EFL1: variants seen among roughly 807,000 people sequenced by gnomAD.
EFL1 encodes elongation factor-like GTPase 1.
A neutral mutation model predicts 126.7 loss-of-function variants in EFL1; 76 were observed. That is an observed-to-expected ratio of 0.60 (90% CI 0.50 to 0.73). The LOEUF is 0.73. EFL1 is among the 30% of genes least tolerant of loss of function. The pLI is 0.00. For synonymous variants in EFL1, 410 were observed against 448.4 expected (o/e 0.91, Z 1.08); for missense variants, 1,128 against 1,343.2 (o/e 0.84, Z 2.50).
chr15:82,184,107 T>C (rs1377313311), intron 15 of EFL1, among the ~76,000 whole-genome samples: 1 of 152,242 alleles, frequency 6.6e-6, no homozygotes, highest in Non-Finnish European at 1.5e-5. Context: ...CAGTGGTTAA[T>C]AATTATTTTT....
At chr15:82,180,376 A>AC (rs2074239359) in intron 15 of EFL1, among the ~76,000 whole-genome samples, 1 of 147,324 alleles carries the variant, frequency 6.8e-6, no homozygotes, top group Non-Finnish European at 1.5e-5. Context: ...AAAAAAACAA[A>AC]AAAAAAACAA....
chr15:82,221,238 G>A (rs2074709139), intron 12 of EFL1, among the ~76,000 whole-genome samples: 1 of 152,044 alleles, frequency 6.6e-6, no homozygotes, highest in Admixed American at 6.6e-5. Flanking sequence ...TATGATTCCT[G>A]CTTTATTTGC....
At chr15:82,234,577 A>G (rs986304485) in intron 7 of EFL1, among the ~76,000 whole-genome samples, 1 of 152,124 alleles carries the variant, frequency 6.6e-6, no homozygotes, top group Non-Finnish European at 1.5e-5. Flanking sequence ...GCCCTGCCCA[A>G]GACAAAATCT....
chr15:82,251,206 C>A (rs1395142311), intron 4 of EFL1, among the ~76,000 whole-genome samples: 1 of 151,962 alleles, frequency 6.6e-6, no homozygotes, highest in Admixed American at 6.6e-5. Context: ...AGCAAGACTC[C>A]GTCTCAAAAA....
At chr15:82,130,688 G>C (rs1263553881) in intron 19 of EFL1, 127 bp from the exon 20 acceptor site, 2 of 957,734 alleles carry the variant, frequency 2.1e-6, no homozygotes, top group East Asian at 5.1e-5. Flanking sequence ...AGCTAAGCTT[G>C]CTAGGAATGG....
intron 15 of EFL1, among the ~76,000 whole-genome samples, chr15:82,200,062 G>C (rs2074450884): frequency 6.6e-6 from 1 of 152,148 alleles, no homozygotes; most frequent in Admixed American, 6.5e-5. Context: ...TAGTGAAACA[G>C]CGGGGAAGGA....
At chr15:82,201,701 A>C (rs2074470392) in intron 15 of EFL1, among the ~76,000 whole-genome samples, 2 of 19,102 alleles carry the variant, frequency 1.0e-4, no homozygotes, top group African/African-American at 9.9e-4. Context: ...CTTCTTGCAA[A>C]AAAAAAAAAA....
chr15:82,137,701 T>C lies in EFL1; in HGVS notation c.3174+957A>G, dbSNP rs553167319. On this transcript the variant is annotated intron_variant, in intron 19 of 19. Transcript: ENST00000268206. The stretch of plus-strand genomic sequence containing the variant: ...AATGTGAAGTTATTTCAATTCCCTG[T>C]AAACAATAACAACAAAAACTGCTTT... 4.6e-5 allele frequency among the ~76,000 whole-genome samples: 7 copies of C among 152,368 alleles called. No homozygotes were observed. The South Asian group carries it at 1.4e-3, about 32-fold the overall frequency.
At chr15:82,142,840 C>G (rs889403527) in intron 18 of EFL1, among the ~76,000 whole-genome samples, 1 of 152,160 alleles carries the variant, frequency 6.6e-6, no homozygotes, top group Non-Finnish European at 1.5e-5. Flanking sequence ...TACTCTTAGT[C>G]CAACCCTATA....
chr15:82,193,146 A>AT (rs561564871), intron 15 of EFL1, among the ~76,000 whole-genome samples: 103 of 152,340 alleles, frequency 6.8e-4, no homozygotes, highest in African/African-American at 2.3e-3. Flanking sequence ...CAAATTTTGT[A>AT]TTTTTTAAAA....
At chr15:82,223,906 T>C (rs1417596832) in intron 12 of EFL1, among the ~76,000 whole-genome samples, 4 of 152,208 alleles carry the variant, frequency 2.6e-5, no homozygotes, top group Non-Finnish European at 4.4e-5. Context: ...CACCCATCTA[T>C]TCCTTTACTT....
At position 82,151,814 on chromosome 15, in the gene EFL1, GC is replaced by G; in HGVS notation, c.2639del (p.Gly880AlafsTer20). The G allele has an allele frequency of 6.2e-7, 1 of 1,614,118 alleles. No individual in the cohort carries two copies. Among genetic ancestry groups the G allele is most frequent in the African/African-American group, 1.3e-5 (1 of 75,018 alleles). On this transcript the variant is annotated frameshift_variant, in exon 18 of 20. Coordinates refer to ENST00000268206, the MANE Select transcript of EFL1 (RefSeq NM_024580.6). LOFTEE classifies it high-confidence loss of function. Reference protein sequence around the residue: ...VSGFQLATLSGPMCEEPLMGV... With the variant: ...VSGFQLATLSXPMCEEPLMGV... ...CCATGAGAGGCTCCTCACACATGGG[GC>G]CAGAGAGGGTTGCTAGTTGGAAGCC...
chr15:82,213,470 T>A (rs2074610578), intron 15 of EFL1, among the ~76,000 whole-genome samples: 1 of 152,194 alleles, frequency 6.6e-6, no homozygotes, highest in African/African-American at 2.4e-5. Context: ...CTGGAAGGCA[T>A]CTAGAAATTC....
chr15:82,220,226 A>G lies in EFL1; in HGVS notation c.1296T>C (p.Pro432=), dbSNP rs779101441. ...TCTGAGCAATTTCTTCTTGAGTGAG[A>G]GGCCTACAGGATATCACAAATATGC... is the stretch of plus-strand genomic sequence containing the variant. The part of the protein sequence containing the change: ...AKALPQNKPR[P]LTQEEIAQRR... Residue 432 remains proline, a synonymous_variant, in exon 13 of 20, where the codon CCT becomes CCC. Transcript: ENST00000268206. 1.3e-6 allele frequency: 2 copies of G among 1,592,114 alleles called. No individual in the cohort carries two copies. Among genetic ancestry groups the G allele is most frequent in the South Asian group, 2.3e-5 (2 of 86,780 alleles).
At chr15:82,148,250 C>T (rs1392477693) in intron 18 of EFL1, among the ~76,000 whole-genome samples, 2 of 151,796 alleles carry the variant, frequency 1.3e-5, no homozygotes, top group Admixed American at 6.6e-5. Context: ...TGGTGGCATG[C>T]GCCTGTAGTC....
At chr15:82,251,219 A>G (rs1416823172) in intron 4 of EFL1, among the ~76,000 whole-genome samples, 1 of 152,180 alleles carries the variant, frequency 6.6e-6, no homozygotes, top group Non-Finnish European at 1.5e-5. Flanking sequence ...CTCAAAAAAT[A>G]AAAAAGAAAG....
intron 15 of EFL1, among the ~76,000 whole-genome samples, chr15:82,180,479 A>C (rs2074241634): frequency 6.6e-6 from 1 of 152,124 alleles, no homozygotes; most frequent in African/African-American, 2.4e-5. Context: ...CCATGGCAAT[A>C]GACTAATTAT....
chr15:82,170,287 T>C (rs936904779), intron 15 of EFL1, among the ~76,000 whole-genome samples: 2 of 151,704 alleles, frequency 1.3e-5, no homozygotes, highest in Middle Eastern at 3.4e-3. Flanking sequence ...GCTAATTTTT[T>C]GTATTTTTAG....
intron 15 of EFL1, among the ~76,000 whole-genome samples, chr15:82,199,060 T>C (rs1420964202): frequency 6.6e-6 from 1 of 152,138 alleles, no homozygotes; most frequent in Non-Finnish European, 1.5e-5. Context: ...TTTTTTCTTT[T>C]TAAAAATCTT....
Sources: gnomAD v4.1 joint callset for allele counts (sites outside exome capture counted in the v4.1 genomes callset) on GRCh38, gnomAD v4.1.1 for gene constraint, MANE v1.5 for transcripts, NCBI Gene and HGNC (gene_info 2026-07-23, HGNC 2026-07-21) for gene names.